KALRN: variants seen among roughly 807,000 people sequenced by gnomAD.
KALRN encodes kalirin.
A neutral mutation model predicts 353.7 loss-of-function variants in KALRN; 70 were observed. That is an observed-to-expected ratio of 0.20 (90% CI 0.16 to 0.24). KALRN has a LOEUF of 0.24. KALRN is among the 10% of genes least tolerant of loss of function. KALRN has a pLI of 1.00. For synonymous variants in KALRN, 1,391 were observed against 1,434.8 expected, an observed-to-expected ratio of 0.97 and a Z score of 0.69; for missense variants, 2,791 against 3,756.7, an observed-to-expected ratio of 0.74 and a Z score of 6.72.
At chr3:124,610,083 C>A (rs2077766423) in intron 34 of KALRN, among the ~76,000 whole-genome samples, 1 of 152,126 alleles carries the variant, frequency 6.6e-6, no homozygotes, top group South Asian at 2.1e-4. Flanking sequence ...GCTAAGCACT[C>A]TTTTAGCTGC....
Position 124,496,296 on chromosome 3 carries a change from C to G in KALRN, c.4833-15C>G, listed in dbSNP as rs1391172120. On this transcript the variant is annotated splice_polypyrimidine_tract_variant and intron_variant, in intron 32 of 59. Transcript: ENST00000682506. The stretch of plus-strand genomic sequence containing the variant: ...CCCCACCCCCACCCCTGTTTTTTTT[C>G]TCTTCTTCCTGCAGGGATGGAGTGG... The G allele has an allele frequency of 1.6e-4, 187 of 1,191,842 alleles. No homozygotes were observed. Among genetic ancestry groups the G allele is most frequent in the East Asian group, 4.5e-4 (14 of 31,010 alleles). The allele number at this position is 1,191,842 out of a possible 1,614,324, so 73.8% of individuals were successfully genotyped here. A position where few individuals can be genotyped will look rare whatever the true frequency, so the allele number is the denominator to read the frequency against.
intron 23 of KALRN, among the ~76,000 whole-genome samples, chr3:124,460,891 T>C (rs548931998): frequency 6.5e-4 from 99 of 152,348 alleles, no homozygotes; most frequent in Non-Finnish European, 1.1e-3. Flanking sequence ...ACCCTCTCTT[T>C]AAAGATGCAT....
chr3:124,411,506 A>G lies in KALRN; in HGVS notation c.2347-1964A>G, dbSNP rs1413201727. On this transcript the variant is annotated intron_variant, in intron 13 of 59. Transcript: ENST00000682506. ...ACCCAAGCTGGAGTGCAGTAGCATA[A>G]TAATAGTGCACTACAACCTTGAACT... Among the ~76,000 whole-genome samples the G allele has an allele frequency of 1.0e-4, 14 of 134,948 alleles. No homozygotes were observed. The Admixed American group carries it at 1.1e-3, about 11-fold the overall frequency. The allele number at this position is 134,948 out of a possible 152,430, so 88.5% of individuals were successfully genotyped here.
At chr3:124,234,547 C>T (rs1220756234) in intron 2 of KALRN, among the ~76,000 whole-genome samples, 1 of 152,178 alleles carries the variant, frequency 6.6e-6, no homozygotes, top group Non-Finnish European at 1.5e-5. Context: ...AGTGCATCCC[C>T]ATGTGCCAAC....
intron 11 of KALRN, among the ~76,000 whole-genome samples, chr3:124,385,296 C>A (rs2088074531): frequency 6.6e-6 from 1 of 152,104 alleles, no homozygotes; most frequent in South Asian, 2.1e-4. Flanking sequence ...CTAGAGCATG[C>A]AATCTGCAGC....
At chr3:124,365,855 T>G (rs1022273552) in intron 10 of KALRN, among the ~76,000 whole-genome samples, 1 of 152,212 alleles carries the variant, frequency 6.6e-6, no homozygotes, top group African/African-American at 2.4e-5. Flanking sequence ...AACCAAAACT[T>G]ACAGTGCCAC....
intron 10 of KALRN, among the ~76,000 whole-genome samples, chr3:124,364,225 GCTTTT>G (rs1560685946): frequency 6.6e-6 from 1 of 152,176 alleles, no homozygotes; most frequent in Non-Finnish European, 1.5e-5. Context: ...TCTTGCCTAG[GCTTTT>G]GTGACTGTGA....
Position 124,389,028 on chromosome 3 carries a change from T to C in KALRN, c.1962+3992T>C, listed in dbSNP as rs926514721. On this transcript the variant is annotated intron_variant, in intron 11 of 59. Transcript: ENST00000682506. The stretch of plus-strand genomic sequence containing the variant: ...GGTTGCTTTTCCTTCTTACCGTGAA[T>C]AGAGTGAATAGAAGGAAAATCTGCT... Among the ~76,000 whole-genome samples the C allele has an allele frequency of 4.6e-4, 70 of 152,164 alleles. 1 individual carries two copies. Among genetic ancestry groups the C allele is most frequent in the African/African-American group, 1.7e-3 (70 of 41,434 alleles).
intron 32 of KALRN, among the ~76,000 whole-genome samples, chr3:124,495,979 A>ATGTG (rs1561136362): frequency 9.7e-5 from 3 of 30,838 alleles, no homozygotes; most frequent in African/African-American, 5.0e-4. Flanking sequence ...ATATATATAT[A>ATGTG]TATATATATA....
intron 33 of KALRN, chr3:124,519,796 C>CT: frequency 1.0e-6 from 1 of 985,380 alleles, no homozygotes; most frequent in Non-Finnish European, 1.2e-6. Context: ...TTGCTGCTGT[C>CT]TTTTTTCCGT....
chr3:124,073,291 C>T, intron 1 of KALRN, among the ~76,000 whole-genome samples: 1 of 152,222 alleles, frequency 6.6e-6, no homozygotes, highest in South Asian at 2.1e-4. Context: ...ACAATGCCAT[C>T]TGTGGAGCCT....
intron 6 of KALRN, among the ~76,000 whole-genome samples, 198 bp from the exon 7 acceptor site, chr3:124,325,782 G>A (rs1041094485): frequency 2.0e-5 from 3 of 152,198 alleles, no homozygotes; most frequent in Admixed American, 6.5e-5. Flanking sequence ...CACAATGAAA[G>A]TTCCCTGCTA....
chr3:124,298,934 C>T, intron 6 of KALRN, 21 bp downstream of exon 6: 2 of 1,614,002 alleles, frequency 1.2e-6, no homozygotes, highest in Non-Finnish European at 1.7e-6. Context: ...GGGCTGTTCT[C>T]AGCACTGCCT....
chr3:124,100,964 A>G (rs1193617449), intron 1 of KALRN, among the ~76,000 whole-genome samples: 1 of 152,242 alleles, frequency 6.6e-6, no homozygotes, highest in Non-Finnish European at 1.5e-5. Context: ...TCAGAGAGTA[A>G]GGGCAAAAGG....
intron 53 of KALRN, among the ~76,000 whole-genome samples, chr3:124,695,793 A>G (rs1176455607): frequency 6.6e-6 from 1 of 151,944 alleles, no homozygotes; most frequent in East Asian, 1.9e-4. Context: ...ATATTCTAGG[A>G]CAAAGTTGCT....
chr3:124,396,881 C>G (rs941681596), intron 12 of KALRN, among the ~76,000 whole-genome samples: 4 of 152,226 alleles, frequency 2.6e-5, no homozygotes, highest in South Asian at 4.1e-4. Flanking sequence ...TAACCTGACT[C>G]TAGCCTAGGC....
At chr3:124,326,995 A>G (rs1344224633) in intron 7 of KALRN, among the ~76,000 whole-genome samples, 1 of 152,146 alleles carries the variant, frequency 6.6e-6, no homozygotes, top group African/African-American at 2.4e-5. Flanking sequence ...ATACCGTACA[A>G]TTGTGTGCTA....
At chr3:124,361,978 G>A (rs1186279430) in intron 10 of KALRN, among the ~76,000 whole-genome samples, 2 of 152,096 alleles carry the variant, frequency 1.3e-5, no homozygotes, top group African/African-American at 4.8e-5. Context: ...TGTGATTTGA[G>A]GTGGGCAATG....
intron 33 of KALRN, among the ~76,000 whole-genome samples, chr3:124,531,707 C>T (rs2068057705): frequency 6.6e-6 from 1 of 152,166 alleles, no homozygotes; most frequent in Admixed American, 6.5e-5. Flanking sequence ...ATCACAAGAA[C>T]AGCACAAAAG....
Sources: allele counts gnomAD v4.1 joint callset (sites outside exome capture counted in the v4.1 genomes callset), GRCh38; gene constraint gnomAD v4.1.1; transcripts MANE v1.5; gene names NCBI Gene and HGNC (gene_info 2026-07-23, HGNC 2026-07-21).